Variants in EDIL3 observed in about 807,000 individuals in gnomAD.
EDIL3 encodes EGF like and discoidin domains 3, also known as EGF-like repeat and discoidin I-like domain-containing protein 3.
EDIL3 carries 37 observed loss-of-function variants against 67.4 expected under a neutral mutation model. The ratio of observed to expected loss-of-function variants is 0.55; its 90% CI spans 0.42 to 0.72. The LOEUF (loss-of-function observed/expected upper bound fraction) is 0.72, where lower values mean the gene tolerates loss of function less well. EDIL3 is among the 30% of genes least tolerant of loss of function. EDIL3 has a pLI of 0.00. For synonymous variants in EDIL3, 195 were observed against 196.3 expected (o/e 0.99, Z 0.05); for missense variants, 527 against 586.3 (o/e 0.90, Z 1.04).
chr5:84,130,177 C>T (rs922331592), intron 5 of EDIL3, among the ~76,000 whole-genome samples: 4 of 152,126 alleles, frequency 2.6e-5, no homozygotes, highest in African/African-American at 9.7e-5. Context: ...AAAAGGCTTC[C>T]CTGTCATAGG....
intron 4 of EDIL3, among the ~76,000 whole-genome samples, chr5:84,175,342 C>T (rs1246472674): frequency 1.3e-5 from 2 of 152,026 alleles, no homozygotes; most frequent in Non-Finnish European, 2.9e-5. Context: ...CCTTACTACA[C>T]AAAATGTTTC....
intron 3 of EDIL3, among the ~76,000 whole-genome samples, chr5:84,200,956 T>A (rs552016336): frequency 1.9e-4 from 29 of 152,198 alleles, no homozygotes; most frequent in African/African-American, 7.0e-4. Flanking sequence ...AGCATACTTA[T>A]TTTCATAGCA....
At chr5:84,003,406 C>A (rs1470014839) in intron 9 of EDIL3, among the ~76,000 whole-genome samples, 1 of 152,102 alleles carries the variant, frequency 6.6e-6, no homozygotes, top group East Asian at 1.9e-4. Context: ...GCCCAGGGTG[C>A]CAAGCTAAGG....
chr5:83,959,226 A>G (rs911774219), intron 10 of EDIL3, among the ~76,000 whole-genome samples: 3 of 147,622 alleles, frequency 2.0e-5, no homozygotes. Context: ...ATATACATAT[A>G]ATATATATAC....
intron 9 of EDIL3, among the ~76,000 whole-genome samples, chr5:83,994,572 A>C (rs1486665517): frequency 6.6e-6 from 1 of 152,194 alleles, no homozygotes; most frequent in Non-Finnish European, 1.5e-5. Context: ...GAAAGATCTG[A>C]ATAAAAGATG....
intron 1 of EDIL3, among the ~76,000 whole-genome samples, chr5:84,346,135 CTTT>C (rs912729041): frequency 2.4e-5 from 3 of 122,894 alleles, no homozygotes; most frequent in South Asian, 5.2e-4. Context: ...CTTTTTTTTT[CTTT>C]TTTTTTTTTT....
intron 2 of EDIL3, among the ~76,000 whole-genome samples, chr5:84,253,100 G>A (rs890053098): frequency 2.0e-5 from 3 of 152,086 alleles, no homozygotes; most frequent in Non-Finnish European, 2.9e-5. Context: ...ATAGTTACTG[G>A]ATTTTTACTA....
rs113580835 is a variant in EDIL3 at position 83,980,676 on chromosome 5, AATAT to A, written c.1138-17320_1138-17317del. ...GCACTGAAGCCTGGTGAAAGATTGA[AATAT>A]ATATATATATATATATATTTATATA... On this transcript the variant is annotated intron_variant, in intron 9 of 10. Transcript: ENST00000296591. Among the ~76,000 whole-genome samples the A allele has an allele frequency of 9.2e-3, 1,301 of 140,998 alleles. 15 individuals are homozygous for A. Among genetic ancestry groups the A allele is most frequent in the African/African-American group, 0.015 (591 of 38,590 alleles). 92.5% of individuals were successfully genotyped at this position (140,998 alleles called of 152,430 possible).
intron 9 of EDIL3, among the ~76,000 whole-genome samples, chr5:84,041,656 A>T (rs1445395125): frequency 7.9e-6 from 1 of 126,248 alleles, no homozygotes; most frequent in African/African-American, 2.6e-5. Flanking sequence ...ATATATACTT[A>T]TATGTATATA....
intron 6 of EDIL3, among the ~76,000 whole-genome samples, chr5:84,067,455 T>A (rs1444853373): frequency 6.6e-6 from 1 of 152,214 alleles, no homozygotes; most frequent in East Asian, 1.9e-4. Flanking sequence ...ACATTAAAAT[T>A]AAAATGCCTT....
intron 4 of EDIL3, among the ~76,000 whole-genome samples, chr5:84,176,812 G>GACAT (rs1748925029): frequency 6.7e-6 from 1 of 148,912 alleles, no homozygotes; most frequent in African/African-American, 2.5e-5. Flanking sequence ...ATTCTTCTAT[G>GACAT]ATATATATAT....
At chr5:84,042,278 C>T (rs553525173) in intron 9 of EDIL3, among the ~76,000 whole-genome samples, 3 of 149,926 alleles carry the variant, frequency 2.0e-5, no homozygotes, top group Admixed American at 1.3e-4. Context: ...AAAAATAGTG[C>T]AAATGGAAAT....
chr5:84,184,083 G>A (rs1456296235), intron 3 of EDIL3, among the ~76,000 whole-genome samples: 1 of 152,178 alleles, frequency 6.6e-6, no homozygotes, highest in Non-Finnish European at 1.5e-5. Flanking sequence ...TCCAGCCTGG[G>A]CTCCAAGAGC....
At chr5:84,315,926 A>G (rs1305963843) in intron 1 of EDIL3, among the ~76,000 whole-genome samples, 3 of 152,222 alleles carry the variant, frequency 2.0e-5, no homozygotes, top group Non-Finnish European at 4.4e-5. Context: ...CAGAAACTCT[A>G]CATGCCAGAA....
intron 1 of EDIL3, among the ~76,000 whole-genome samples, chr5:84,337,959 G>A (rs1005189175): frequency 6.6e-5 from 10 of 152,092 alleles, no homozygotes; most frequent in African/African-American, 2.4e-4. Flanking sequence ...TTTAAGACAC[G>A]CTTCTGTGTT....
chr5:84,060,286 T>C lies in EDIL3; in HGVS notation c.1137+14A>G. ...AGGAACAGTGGGTAGTGAAACAGTT[T>C]TGGAAAACTTTACCTGTAACCATTG... is the stretch of plus-strand genomic sequence containing the variant. On this transcript the variant is annotated intron_variant, in intron 9 of 10. Transcript: ENST00000296591. 9.3e-6 allele frequency: 15 copies of C among 1,610,936 alleles called. No homozygotes were observed. Among genetic ancestry groups the C allele is most frequent in the Non-Finnish European group, 1.3e-5 (15 of 1,178,218 alleles).
At chr5:84,335,703 T>C (rs1169501332) in intron 1 of EDIL3, among the ~76,000 whole-genome samples, 2 of 152,150 alleles carry the variant, frequency 1.3e-5, no homozygotes, top group African/African-American at 4.8e-5. Flanking sequence ...GTATATTCCT[T>C]GGGAAGGAAG....
intron 4 of EDIL3, among the ~76,000 whole-genome samples, chr5:84,141,202 G>C (rs957650591): frequency 6.6e-6 from 1 of 151,564 alleles, no homozygotes; most frequent in Admixed American, 6.6e-5. Flanking sequence ...ATATGAAATA[G>C]AAATTTCCAT....
chr5:84,099,884 GAA>G (rs149658541), intron 6 of EDIL3, among the ~76,000 whole-genome samples: 2 of 149,706 alleles, frequency 1.3e-5, no homozygotes, highest in East Asian at 2.0e-4. Flanking sequence ...AAATTTACAA[GAA>G]AAAAAAACCC....
Sources: allele counts gnomAD v4.1 joint callset (sites outside exome capture counted in the v4.1 genomes callset), GRCh38; gene constraint gnomAD v4.1.1; transcripts MANE v1.5; gene names NCBI Gene and HGNC (gene_info 2026-07-23, HGNC 2026-07-21).